Variants in PCDH15 observed in about 807,000 individuals in gnomAD.
The protein encoded by PCDH15 is protocadherin-15.
Under a neutral mutation model 178.5 loss-of-function variants are expected in PCDH15, and 129 were observed. The observed-to-expected ratio is 0.72, with a 90% CI of 0.63 to 0.84. PCDH15 has a LOEUF of 0.84. Among genes scored for constraint, PCDH15 ranks in the 40% least tolerant of loss-of-function variants. The pLI is 0.00. For missense variants in PCDH15, 2,230 were observed against 2,099.9 expected, an observed-to-expected ratio of 1.06 and a Z score of -1.21; for synonymous variants, 800 against 732.0, an observed-to-expected ratio of 1.09 and a Z score of -1.50.
intron 2 of PCDH15, among the ~76,000 whole-genome samples, chr10:55,143,639 T>C (rs1347513405): frequency 6.6e-6 from 1 of 152,062 alleles, no homozygotes; most frequent in Non-Finnish European, 1.5e-5. Flanking sequence ...GAATTTTTTT[T>C]TCTTAGGGAG....
At chr10:54,615,854 T>C (rs1202485627) in intron 2 of PCDH15, among the ~76,000 whole-genome samples, 1 of 152,088 alleles carries the variant, frequency 6.6e-6, no homozygotes, top group African/African-American at 2.4e-5. Context: ...AATACAGAGA[T>C]AAGTTTTTCA....
At chr10:54,821,405 C>T (rs1953036624) in intron 3 of PCDH15, among the ~76,000 whole-genome samples, 1 of 151,590 alleles carries the variant, frequency 6.6e-6, no homozygotes, top group Non-Finnish European at 1.5e-5. Flanking sequence ...AATTTTCTAA[C>T]CCTTTTTAAT....
chr10:55,318,222 G>T (rs34424822), intron 1 of PCDH15, among the ~76,000 whole-genome samples: 12 of 151,274 alleles, frequency 7.9e-5, no homozygotes, highest in Non-Finnish European at 1.8e-4. Context: ...AAAAACACAC[G>T]AGAGAGAGAG....
Position 53,831,455 on chromosome 10 carries a change from G to T in PCDH15, c.4062C>A (p.Ile1354=). The T allele has an allele frequency of 6.2e-7, 1 of 1,614,082 alleles. No individual in the cohort carries two copies. Among genetic ancestry groups the T allele is most frequent in the South Asian group, 1.1e-5 (1 of 91,076 alleles). Residue 1354 remains isoleucine (I), a synonymous_variant, in exon 30 of 38, where the codon ATC becomes ATA. Transcript: ENST00000644397. ...YYGEGGRILE[I]RTPEAVTSIK... ...TGCTGGTCACTGCCTCTGGAGTCCG[G>T]ATCTCCAGAATGCGTCCTCCTTCCC... is the stretch of plus-strand genomic sequence containing the variant.
At chr10:53,836,127 G>T (rs932425542) in intron 29 of PCDH15, among the ~76,000 whole-genome samples, 1 of 152,090 alleles carries the variant, frequency 6.6e-6, no homozygotes, top group Admixed American at 6.6e-5. Flanking sequence ...GGAGGAGCAG[G>T]AAGTCCTCTC....
In PCDH15 at chr10:54,170,414, A is replaced by G. The variant is rs1025238184; in HGVS notation, c.1590+13030T>C. Among the ~76,000 whole-genome samples the G allele has an allele frequency of 1.2e-3, 174 of 151,224 alleles. 3 individuals are homozygous for G. Among genetic ancestry groups the G allele is most frequent in the Middle Eastern group, 0.01 (3 of 294 alleles). On this transcript the variant is annotated intron_variant, in intron 13 of 37. Coordinates refer to ENST00000644397, the MANE Select transcript of PCDH15 (RefSeq NM_001384140.1). The stretch of plus-strand genomic sequence containing the variant: ...CTCATGTCTGCGTGCAGTGGCTGCC[A>G]CTGCATTAATACTTTTAGAGGCCCT...
At chr10:54,688,530 T>C (rs2095057214) in intron 1 of PCDH15, among the ~76,000 whole-genome samples, 2 of 152,156 alleles carry the variant, frequency 1.3e-5, no homozygotes, top group African/African-American at 2.4e-5. Context: ...AATACTGTAT[T>C]GTCTGAAAAG....
At chr10:54,460,052 G>T (rs553670964) in intron 3 of PCDH15, among the ~76,000 whole-genome samples, 1 of 152,096 alleles carries the variant, frequency 6.6e-6, no homozygotes, top group Admixed American at 6.6e-5. Context: ...CAGATGATTT[G>T]GGGAATAAAA....
At chr10:55,173,628 A>G (rs975939325) in intron 1 of PCDH15, among the ~76,000 whole-genome samples, 4 of 152,124 alleles carry the variant, frequency 2.6e-5, no homozygotes, top group African/African-American at 4.8e-5. Context: ...ATAACTTTTT[A>G]GCATATAAAA....
intron 15 of PCDH15, among the ~76,000 whole-genome samples, chr10:54,111,570 T>C (rs1054865599): frequency 3.3e-5 from 5 of 152,126 alleles, no homozygotes; most frequent in Non-Finnish European, 7.3e-5. Context: ...TGATAGGTCA[T>C]TTATAAGAAG....
intron 2 of PCDH15, among the ~76,000 whole-genome samples, chr10:55,626,920 A>G (rs999112473): frequency 6.6e-6 from 1 of 152,138 alleles, no homozygotes; most frequent in Non-Finnish European, 1.5e-5. Context: ...TTCACATTAT[A>G]TTTATTAATG....
rs573217755 is a variant in PCDH15 at position 55,283,244 on chromosome 10, G to C, written c.-156+36355C>G. Among the ~76,000 whole-genome samples, 75 of 152,088 alleles carry C rather than the reference G, an allele frequency of 4.9e-4. 5 individuals are homozygous for C. The South Asian group carries it at 0.015, about 30-fold the overall frequency. ...TCAATAAGCTGTTTTATCTGGTCTC[G>C]TGGCCCTTACCCAAGAAATGACTCA... is the stretch of plus-strand genomic sequence containing the variant. On this transcript the variant is annotated intron_variant, in intron 1 of 5. Coordinates refer to the PCDH15 transcript ENST00000458638.
intron 2 of PCDH15, among the ~76,000 whole-genome samples, chr10:54,991,975 TATA>T (rs1179311682): frequency 2.0e-5 from 3 of 152,124 alleles, no homozygotes; most frequent in African/African-American, 7.2e-5. Flanking sequence ...ACATATTTTA[TATA>T]ATATCTTTCA....
chr10:55,433,703 A>G (rs1838948292), intron 2 of PCDH15, among the ~76,000 whole-genome samples: 1 of 152,150 alleles, frequency 6.6e-6, no homozygotes, highest in South Asian at 2.1e-4. Flanking sequence ...TAATTTTTAT[A>G]TCCTCTTCTT....
intron 10 of PCDH15, among the ~76,000 whole-genome samples, chr10:54,198,809 A>G (rs2049947993): frequency 1.3e-5 from 2 of 152,140 alleles, no homozygotes; most frequent in African/African-American, 2.4e-5. Context: ...TGTCATATCC[A>G]GGACATAAAA....
At chr10:54,590,195 C>T (rs1422560955) in intron 2 of PCDH15, among the ~76,000 whole-genome samples, 2 of 152,040 alleles carry the variant, frequency 1.3e-5, no homozygotes, top group Non-Finnish European at 2.9e-5. Context: ...TTGTTTTGCA[C>T]CCATATGACA....
chr10:53,848,257 A>G (rs1174913505), intron 28 of PCDH15, among the ~76,000 whole-genome samples: 1 of 151,946 alleles, frequency 6.6e-6, no homozygotes, highest in Non-Finnish European at 1.5e-5. Flanking sequence ...ATAAAAAAAA[A>G]AAGAGGAGGA....
At chr10:55,126,834 T>A (rs1367043793) in intron 2 of PCDH15, among the ~76,000 whole-genome samples, 1 of 151,948 alleles carries the variant, frequency 6.6e-6, no homozygotes, top group Non-Finnish European at 1.5e-5. Context: ...GACATCCCTC[T>A]AAGTATATCT....
At chr10:54,744,267 T>C (rs1316520192) in intron 1 of PCDH15, among the ~76,000 whole-genome samples, 5 of 152,076 alleles carry the variant, frequency 3.3e-5, no homozygotes, top group African/African-American at 4.8e-5. Context: ...TATAGCCCAA[T>C]TGACACCTTG....
Sources: allele counts gnomAD v4.1 joint callset (sites outside exome capture counted in the v4.1 genomes callset), GRCh38; gene constraint gnomAD v4.1.1; transcripts MANE v1.5; gene names NCBI Gene and HGNC (gene_info 2026-07-23, HGNC 2026-07-21).